The following SRGAP3 variants were observed in gnomAD, a reference collection of about 807,000 sequenced individuals.
SRGAP3 encodes SLIT-ROBO Rho GTPase-activating protein 3.
In SRGAP3, 39 loss-of-function variants were observed where a neutral mutation model predicts 121.1. The observed-to-expected ratio is 0.32, with a 90% CI of 0.25 to 0.42. The LOEUF (loss-of-function observed/expected upper bound fraction) is 0.42, where lower values mean the gene tolerates loss of function less well. Among genes scored for constraint, SRGAP3 ranks in the 10% least tolerant of loss-of-function variants. SRGAP3 has a pLI of 1.00. For missense variants in SRGAP3, 1,213 were observed against 1,470.6 expected (o/e 0.82, Z 2.86); for synonymous variants, 601 against 570.0 (o/e 1.05, Z -0.77).
At chr3:9,048,462 C>T (rs559646335) in intron 9 of SRGAP3, among the ~76,000 whole-genome samples, 45 of 152,186 alleles carry the variant, frequency 3.0e-4, no homozygotes, top group Non-Finnish European at 5.7e-4. Context: ...GGGAGGGAGA[C>T]AATAAACGAA....
chr3:9,075,390 T>TGTGCGCGC (rs1454621766), intron 4 of SRGAP3, among the ~76,000 whole-genome samples: 20 of 148,614 alleles, frequency 1.3e-4, no homozygotes, highest in African/African-American at 5.2e-4. Flanking sequence ...TGTGTGTGTG[T>TGTGCGCGC]GCGCGCGCAC....
At position 9,298,680 on chromosome 3, in the gene SRGAP3, G is replaced by A. The variant is rs149517247; in HGVS notation, n.442+27330C>T. On this transcript the variant is annotated intron_variant and non_coding_transcript_variant, in intron 3 of 3. Transcript: ENST00000490889. ...CCTGGCAGCTTGAGCCACCAAGGAC[G>A]GGCTACTCTGCTGGAGAGAGTGGTC... Among the ~76,000 whole-genome samples, 537 of 152,256 alleles carry A rather than the reference G, an allele frequency of 3.5e-3. 3 individuals are homozygous for A. Among genetic ancestry groups the A allele is most frequent in the African/African-American group, 0.012 (505 of 41,544 alleles).
chr3:9,162,027 G>A (rs1191749210), intron 1 of SRGAP3, among the ~76,000 whole-genome samples: 1 of 152,140 alleles, frequency 6.6e-6, no homozygotes, highest in Admixed American at 6.5e-5. Flanking sequence ...CAACATGAAT[G>A]AACTTGAAGA....
intron 3 of SRGAP3, among the ~76,000 whole-genome samples, chr3:9,100,424 G>T (rs1312085988): frequency 2.0e-5 from 3 of 152,140 alleles, no homozygotes; most frequent in Admixed American, 6.5e-5. Context: ...GGAGGCCAAA[G>T]AATTGACACA....
chr3:9,332,708 A>AT (rs1955629672), intron 1 of SRGAP3, among the ~76,000 whole-genome samples: 1 of 152,234 alleles, frequency 6.6e-6, no homozygotes, highest in African/African-American at 2.4e-5. Flanking sequence ...AAAACACATT[A>AT]GGATTTTCTT....
intron 1 of SRGAP3, among the ~76,000 whole-genome samples, chr3:9,198,277 T>C (rs1292659175): frequency 6.6e-6 from 1 of 152,258 alleles, no homozygotes; most frequent in Non-Finnish European, 1.5e-5. Context: ...AACCAGTATT[T>C]ATTTAATGTT....
chr3:9,187,550 C>G (rs1156809962), intron 1 of SRGAP3, among the ~76,000 whole-genome samples: 1 of 152,174 alleles, frequency 6.6e-6, no homozygotes, highest in African/African-American at 2.4e-5. Context: ...CCTCTTCCCC[C>G]GGGAAGAATA....
chr3:9,334,937 TG>T (rs1375712825), intron 1 of SRGAP3, among the ~76,000 whole-genome samples: 1 of 152,166 alleles, frequency 6.6e-6, no homozygotes, highest in African/African-American at 2.4e-5. Context: ...ATCTGTCCAG[TG>T]TCTTCAGGGT....
At position 9,104,836 on chromosome 3, in the gene SRGAP3, G is replaced by T. The variant is rs747573760; in HGVS notation, c.267C>A (p.Asp89Glu). ...RSSREHQFKKDQYLLSPVNCW... is the reference protein window; with the variant it reads ...RSSREHQFKKEQYLLSPVNCW... ...AGTTCACAGGCGAGAGGAGGTACTG[G>T]TCCTTCCTGTGGAAACCAAGAAAGC... Residue 89 changes from aspartate (D) to glutamate (E), a missense_variant, in exon 3 of 22, where the codon GAC becomes GAA. Asp to Glu is a conservative substitution (Grantham distance 45, BLOSUM62 2). Coordinates refer to ENST00000383836, the MANE Select transcript of SRGAP3 (RefSeq NM_014850.4). The T allele has an allele frequency of 6.2e-7, 1 of 1,614,116 alleles. No individual in the cohort carries two copies. Among genetic ancestry groups the T allele is most frequent in the Non-Finnish European group, 8.5e-7 (1 of 1,180,042 alleles).
At chr3:9,205,559 G>A (rs534147877) in intron 1 of SRGAP3, among the ~76,000 whole-genome samples, 1 of 152,314 alleles carries the variant, frequency 6.6e-6, no homozygotes, top group South Asian at 2.1e-4. Flanking sequence ...CAATAAATGA[G>A]TCAGCCCCAC....
chr3:9,022,002 T>C (rs1377068002), intron 14 of SRGAP3, among the ~76,000 whole-genome samples: 4 of 152,082 alleles, frequency 2.6e-5, no homozygotes, highest in Non-Finnish European at 5.9e-5. Context: ...GAGGATCACC[T>C]GAACCGGAGG....
intron 1 of SRGAP3, among the ~76,000 whole-genome samples, chr3:9,221,231 A>G (rs540017438): frequency 1.3e-5 from 2 of 152,062 alleles, no homozygotes; most frequent in African/African-American, 4.8e-5. Flanking sequence ...CACATTTCCC[A>G]CTGCTTTCTA....
intron 10 of SRGAP3, among the ~76,000 whole-genome samples, chr3:9,041,094 A>G (rs116509761): frequency 6.6e-6 from 1 of 152,392 alleles, no homozygotes; most frequent in South Asian, 2.1e-4. Context: ...AGCAGATTAC[A>G]CGATAGTGTA....
intron 1 of SRGAP3, among the ~76,000 whole-genome samples, chr3:9,359,624 A>T (rs1430011722): frequency 6.6e-6 from 1 of 152,252 alleles, no homozygotes; most frequent in East Asian, 1.9e-4. Flanking sequence ...CCCTCTCTGG[A>T]ATAGATGCCT....
At chr3:9,018,880 C>T (rs189734992) in intron 14 of SRGAP3, among the ~76,000 whole-genome samples, 3 of 152,234 alleles carry the variant, frequency 2.0e-5, no homozygotes, top group Admixed American at 2.0e-4. Context: ...CATTTTCATT[C>T]GTTTCTGGTT....
intron 1 of SRGAP3, among the ~76,000 whole-genome samples, chr3:9,145,920 G>T (rs550960250): frequency 6.6e-6 from 1 of 152,190 alleles, no homozygotes; most frequent in African/African-American, 2.4e-5. Flanking sequence ...CTGGCGAGGG[G>T]TTCAACAAGG....
chr3:9,233,279 G>A (rs975928101), intron 1 of SRGAP3, among the ~76,000 whole-genome samples: 1 of 152,198 alleles, frequency 6.6e-6, no homozygotes, highest in Admixed American at 6.5e-5. Flanking sequence ...ACCATGAGCC[G>A]TGATTGAACC....
chr3:9,329,778 T>C (rs1955575366), intron 2 of SRGAP3, among the ~76,000 whole-genome samples: 1 of 151,894 alleles, frequency 6.6e-6, no homozygotes, highest in Non-Finnish European at 1.5e-5. Context: ...TTCCCCTTTT[T>C]TGGGTGGGAG....
intron 1 of SRGAP3, among the ~76,000 whole-genome samples, chr3:9,148,675 C>G (rs919501702): frequency 6.6e-6 from 1 of 152,102 alleles, no homozygotes; most frequent in African/African-American, 2.4e-5. Flanking sequence ...AAGCCTGGGA[C>G]GTGGGGCCTG....
Sources: gnomAD v4.1 joint callset for allele counts (sites outside exome capture counted in the v4.1 genomes callset) on GRCh38, gnomAD v4.1.1 for gene constraint, MANE v1.5 for transcripts, NCBI Gene and HGNC (gene_info 2026-07-23, HGNC 2026-07-21) for gene names.